Variants in KCNIP4 observed in about 807,000 individuals in gnomAD.
KCNIP4 encodes the protein potassium voltage-gated channel interacting protein 4.
A neutral mutation model predicts 34.0 loss-of-function variants in KCNIP4; 12 were observed. That is an observed-to-expected ratio of 0.35 (90% CI 0.23 to 0.57). KCNIP4 has a LOEUF of 0.57. Among genes scored for constraint, KCNIP4 ranks in the 20% least tolerant of loss-of-function variants. The pLI is 0.83. For missense variants in KCNIP4, 238 were observed against 311.7 expected (o/e 0.76, Z 1.78); for synonymous variants, 124 against 102.2 (o/e 1.21, Z -1.29).
At chr4:21,414,139 G>GA (rs912569513) in intron 1 of KCNIP4, among the ~76,000 whole-genome samples, 88 of 150,824 alleles carry the variant, frequency 5.8e-4, no homozygotes, top group African/African-American at 1.4e-3. Context: ...TATGTTCTAT[G>GA]AAAAAAAAAG....
chr4:20,939,889 G>A (rs1731466064), intron 1 of KCNIP4, among the ~76,000 whole-genome samples: 1 of 152,176 alleles, frequency 6.6e-6, no homozygotes, highest in African/African-American at 2.4e-5. Flanking sequence ...CCTGGTCCAA[G>A]CTTTTAGCAA....
chr4:21,166,628 C>A (rs1753641863), intron 1 of KCNIP4, among the ~76,000 whole-genome samples: 1 of 152,112 alleles, frequency 6.6e-6, no homozygotes. Flanking sequence ...AGTGGAACAA[C>A]CCAAATGCCC....
intron 1 of KCNIP4, among the ~76,000 whole-genome samples, chr4:21,616,508 T>G (rs990940174): frequency 2.0e-5 from 3 of 152,224 alleles, no homozygotes; most frequent in African/African-American, 7.2e-5. Flanking sequence ...GTCCTGGGGC[T>G]GTCGTAACAA....
chr4:21,228,853 C>G (rs780934475), intron 1 of KCNIP4, among the ~76,000 whole-genome samples: 1 of 152,162 alleles, frequency 6.6e-6, no homozygotes, highest in Admixed American at 6.5e-5. Context: ...ACACTCTACA[C>G]TGACTCCTTC....
intron 1 of KCNIP4, among the ~76,000 whole-genome samples, chr4:20,987,980 G>A (rs1414896060): frequency 9.0e-5 from 8 of 88,810 alleles, no homozygotes; most frequent in South Asian, 6.6e-4. Context: ...CAGCCTGGGC[G>A]ACACGGCGAG....
chr4:20,730,007 A>AAAG lies in KCNIP4; in HGVS notation c.*72_*74dup, dbSNP rs1338055240. On this transcript the variant is annotated 3_prime_UTR_variant, in exon 9 of 9. Transcript: ENST00000382152. Reference sequence around the variant, plus strand: ...GTGTCAAGCTGAGCAATCTATGCTAAAAGTGGTAGCTCCAACTTTAAGGGT... The same window carrying AAAG: ...GTGTCAAGCTGAGCAATCTATGCTAAAAGAAGTGGTAGCTCCAACTTTAAGGGT... The AAAG allele has an allele frequency of 2.0e-6, 3 of 1,524,248 alleles. No individual in the cohort carries two copies. In the African/African-American group the frequency reaches 4.2e-5, roughly 21 times the overall value. The allele number at this position is 1,524,248 out of a possible 1,614,324, so 94.4% of individuals were successfully genotyped here.
intron 1 of KCNIP4, among the ~76,000 whole-genome samples, chr4:21,449,977 C>A (rs1317547216): frequency 6.6e-6 from 1 of 152,082 alleles, no homozygotes; most frequent in African/African-American, 2.4e-5. Context: ...TCATTAGCCC[C>A]AGGATCTGTG....
intron 1 of KCNIP4, among the ~76,000 whole-genome samples, chr4:21,413,016 G>A (rs1724639526): frequency 6.6e-6 from 1 of 152,158 alleles, no homozygotes. Flanking sequence ...CCTTGCCCCA[G>A]GGTTATGTGC....
chr4:20,934,890 G>T (rs544651559), intron 1 of KCNIP4, among the ~76,000 whole-genome samples: 1 of 152,158 alleles, frequency 6.6e-6, no homozygotes, highest in Non-Finnish European at 1.5e-5. Context: ...CAAGGTGTCA[G>T]CAGGGACGTA....
At chr4:21,118,982 C>T (rs748590660) in intron 1 of KCNIP4, among the ~76,000 whole-genome samples, 9 of 152,144 alleles carry the variant, frequency 5.9e-5, no homozygotes, top group South Asian at 2.1e-4. Context: ...AGAAAAATCA[C>T]GCCATCCATT....
rs372546127 is a variant in KCNIP4 at position 21,776,436 on chromosome 4, C to G, written c.61+172135G>C. Among the ~76,000 whole-genome samples, 10 of 151,970 alleles carry G rather than the reference C, an allele frequency of 6.6e-5. No homozygotes were observed. In the South Asian group the frequency reaches 1.2e-3, roughly 19 times the overall value. On this transcript the variant is annotated intron_variant, in intron 1 of 8. Coordinates refer to ENST00000382152, the MANE Select transcript of KCNIP4 (RefSeq NM_025221.6). The stretch of plus-strand genomic sequence containing the variant: ...CATGAGTCATGTATTATGGAGTTTT[C>G]CTAAATTTATAATATGGTGAAGTAG...
intron 1 of KCNIP4, among the ~76,000 whole-genome samples, chr4:21,358,006 C>T (rs1462626521): frequency 6.6e-6 from 1 of 152,106 alleles, no homozygotes; most frequent in Non-Finnish European, 1.5e-5. Context: ...AGGATGAGTT[C>T]ACATCCTTTG....
chr4:21,276,655 A>G (rs1376611313), intron 1 of KCNIP4, among the ~76,000 whole-genome samples: 1 of 152,086 alleles, frequency 6.6e-6, no homozygotes, highest in Non-Finnish European at 1.5e-5. Context: ...TAGCTTTCCT[A>G]TTCAATACCC....
At chr4:20,895,741 C>T (rs1343349653) in intron 1 of KCNIP4, among the ~76,000 whole-genome samples, 1 of 152,194 alleles carries the variant, frequency 6.6e-6, no homozygotes, top group African/African-American at 2.4e-5. Flanking sequence ...AAAGTCTTTA[C>T]AATCTTGTGA....
intron 1 of KCNIP4, among the ~76,000 whole-genome samples, chr4:21,039,329 C>T (rs1484087872): frequency 6.6e-6 from 1 of 150,952 alleles, no homozygotes; most frequent in Non-Finnish European, 1.5e-5. Flanking sequence ...GAGATCATGC[C>T]ACTGCACTCC....
At chr4:21,158,541 A>G (rs1560773413) in intron 1 of KCNIP4, among the ~76,000 whole-genome samples, 1 of 152,208 alleles carries the variant, frequency 6.6e-6, no homozygotes, top group African/African-American at 2.4e-5. Flanking sequence ...AAACTAAAAA[A>G]GTGATTATTT....
intron 1 of KCNIP4, among the ~76,000 whole-genome samples, chr4:21,557,570 A>C (rs572146021): frequency 1.2e-4 from 18 of 152,232 alleles, no homozygotes; most frequent in African/African-American, 4.1e-4. Context: ...TGGAGAGAGC[A>C]ATGCGTCATG....
At chr4:20,937,527 C>A (rs554268564) in intron 1 of KCNIP4, among the ~76,000 whole-genome samples, 121 of 146,092 alleles carry the variant, frequency 8.3e-4, no homozygotes, top group African/African-American at 2.9e-3. Context: ...AGCCACCGTG[C>A]CTGGCCCCCA....
At chr4:21,680,625 T>C (rs1167229846) in intron 1 of KCNIP4, among the ~76,000 whole-genome samples, 1 of 152,250 alleles carries the variant, frequency 6.6e-6, no homozygotes, top group Non-Finnish European at 1.5e-5. Flanking sequence ...GAAGTCAAAA[T>C]TACTGTTTGA....
Sources: gnomAD v4.1 joint callset for allele counts (sites outside exome capture counted in the v4.1 genomes callset) on GRCh38, gnomAD v4.1.1 for gene constraint, MANE v1.5 for transcripts, NCBI Gene and HGNC (gene_info 2026-07-23, HGNC 2026-07-21) for gene names.